FAM184B: variants seen among roughly 807,000 people sequenced by gnomAD.
The protein encoded by FAM184B is family with sequence similarity 184 member B.
FAM184B carries 111 observed loss-of-function variants against 135.9 expected under a neutral mutation model. That is an observed-to-expected ratio of 0.82 (90% CI 0.70 to 0.96). FAM184B has a LOEUF of 0.96. Ranked by LOEUF, FAM184B falls within the 40% of genes least tolerant of loss-of-function variation. The probability of loss-of-function intolerance (pLI) is 0.00; values close to 1 mark genes in which losing one functional copy is unlikely to be tolerated. For synonymous variants in FAM184B, 552 were observed against 524.8 expected (o/e 1.05, Z -0.71); for missense variants, 1,375 against 1,323.9 (o/e 1.04, Z -0.60).
chr4:17,699,519 A>G (rs1319006295), intron 5 of FAM184B, among the ~76,000 whole-genome samples: 3 of 152,160 alleles, frequency 2.0e-5, no homozygotes, highest in African/African-American at 7.2e-5. Flanking sequence ...TTTTCATTAG[A>G]ATAAAATGCA....
rs1716778285 is a variant in FAM184B at position 17,693,297 on chromosome 4, C to T, written c.1488+5G>A. ...CCCCAAGGCTTGCATTTGGTCAGGG[C>T]TCACCTCAAGCAGAGAATTCTGAAG... On this transcript the variant is annotated splice_donor_5th_base_variant and intron_variant, in intron 6 of 17. Transcript: ENST00000265018. 3.9e-6 allele frequency: 6 copies of T among 1,548,322 alleles called. No homozygotes were observed. In the East Asian group the frequency reaches 1.2e-4, roughly 32 times the overall value.
chr4:17,659,648 G>T (rs1179335505), intron 9 of FAM184B, among the ~76,000 whole-genome samples: 1 of 152,050 alleles, frequency 6.6e-6, no homozygotes, highest in Non-Finnish European at 1.5e-5. Context: ...CACATACCCA[G>T]CTAATTTTTG....
Position 17,652,834 on chromosome 4 carries a change from C to T in FAM184B, c.2187G>A (p.Leu729=), listed in dbSNP as rs1421107842. 1.3e-5 allele frequency: 20 copies of T among 1,550,826 alleles called. No homozygotes were observed. Among genetic ancestry groups the T allele is most frequent in the Non-Finnish European group, 1.7e-5 (20 of 1,146,810 alleles). Residue 729 remains leucine (L), a synonymous_variant, in exon 11 of 18, where the codon CTG becomes CTA. Transcript: ENST00000265018. ...RERMQAQQAL[L]LESLRQELSE... ...AGTACACTATTGGGTGTATACCTAG[C>T]AGCAGGGCCTGCTGTGCCTGCATCC... is the stretch of plus-strand genomic sequence containing the variant.
At chr4:17,677,544 C>CA (rs892115524) in intron 7 of FAM184B, among the ~76,000 whole-genome samples, 3 of 151,844 alleles carry the variant, frequency 2.0e-5, no homozygotes, top group South Asian at 2.1e-4. Context: ...AAAAAATTGC[C>CA]AAAAAAAGTC....
At chr4:17,754,841 T>C (rs570045985) in intron 1 of FAM184B, among the ~76,000 whole-genome samples, 1 of 152,048 alleles carries the variant, frequency 6.6e-6, no homozygotes, top group South Asian at 2.1e-4. Flanking sequence ...AAAAAGGAGA[T>C]ACAGATAGGA....
chr4:17,762,019 A>ATTTTGTTTTG (rs112668227), intron 1 of FAM184B, among the ~76,000 whole-genome samples: 3 of 147,284 alleles, frequency 2.0e-5, no homozygotes, highest in African/African-American at 8.1e-5. Flanking sequence ...AGGGCTCTTC[A>ATTTTGTTTTG]TTTTGTTTTG....
intron 1 of FAM184B, among the ~76,000 whole-genome samples, chr4:17,753,111 G>A (rs184233544): frequency 3.3e-5 from 5 of 152,168 alleles, no homozygotes; most frequent in South Asian, 4.1e-4. Flanking sequence ...CTGACATTTC[G>A]TCATCCTCCA....
In FAM184B at chr4:17,660,054, T is replaced by C. The variant is rs1224967832; in HGVS notation, c.1728A>G (p.Pro576=). The change falls in exon 9 of 18, where the codon CCA becomes CCG. Residue 576 remains proline (P), a synonymous_variant. Transcript: ENST00000265018. ...TCAACAAAGAGCCCAGTGGAGGTTG[T>C]GGGTCACTTCCCTCCTTGAGAAGCA... ...TKVLLKEGSD[P]QPPLGSLLKE... is the part of the protein sequence containing the mutation. 6.4e-7 allele frequency: 1 copy of C among 1,551,636 alleles called. No homozygotes were observed. Among genetic ancestry groups the C allele is most frequent in the South Asian group, 1.2e-5 (1 of 84,050 alleles).
rs3222789 is a variant in FAM184B, at chr4:17,751,823, G to GCACACACACACACACACACACACACA, written c.141+29310_141+29335dup. Among the ~76,000 whole-genome samples, 27 of 115,898 alleles carry GCACACACACACACACACACACACACA rather than the reference G, an allele frequency of 2.3e-4. 1 individual carries two copies. The highest frequency in any genetic ancestry group is 3.0e-4 in the Non-Finnish European group (17 of 56,858). The allele number at this position is 115,898 out of a possible 152,430, so 76.0% of individuals were successfully genotyped here. ...GGCTGATTCTGGCCCTAAAAACAAG[G>GCACACACACACACACACACACACACA]CACACACACACACACACACACACAC... On this transcript the variant is annotated intron_variant, in intron 1 of 17. Coordinates refer to ENST00000265018, the MANE Select transcript of FAM184B (RefSeq NM_015688.2).
At position 17,668,263 on chromosome 4, in the gene FAM184B, C is replaced by T. The variant is rs73800331; in HGVS notation, c.1597-3604G>A. Reference sequence around the variant, plus strand: ...ACCAGATAAAGAAGCAACAGTTGAACGTAAAGTGTTTAGCTGTCTCCTTCA... The same window carrying T: ...ACCAGATAAAGAAGCAACAGTTGAATGTAAAGTGTTTAGCTGTCTCCTTCA... On this transcript the variant is annotated intron_variant, in intron 7 of 17. Coordinates refer to ENST00000265018, the MANE Select transcript of FAM184B (RefSeq NM_015688.2). Among the ~76,000 whole-genome samples the T allele has an allele frequency of 2.3e-3, 350 of 152,278 alleles. 1 individual carries two copies. Among genetic ancestry groups the T allele is most frequent in the African/African-American group, 7.6e-3 (315 of 41,564 alleles).
In FAM184B at chr4:17,720,750, G is replaced by A. The variant is rs1210275971; in HGVS notation, c.142-11106C>T. Among the ~76,000 whole-genome samples, 6 of 151,716 alleles carry A rather than the reference G, an allele frequency of 4.0e-5. No individual in the cohort carries two copies. The South Asian group carries it at 1.3e-3, about 32-fold the overall frequency. ...AAAATGCAAAAATTAGCTGGGTGTGGTGGTGCACCCCTGTGTTCCCAGCTG... is the reference window on the plus strand; with the variant it reads ...AAAATGCAAAAATTAGCTGGGTGTGATGGTGCACCCCTGTGTTCCCAGCTG... On this transcript the variant is annotated intron_variant, in intron 1 of 17. Transcript: ENST00000265018.
intron 7 of FAM184B, among the ~76,000 whole-genome samples, chr4:17,675,764 T>C (rs536635513): frequency 6.6e-6 from 1 of 152,336 alleles, no homozygotes; most frequent in Admixed American, 6.5e-5. Context: ...TAGAGATGGC[T>C]TGTTTCCTTA....
intron 1 of FAM184B, 130 bp from the exon 2 acceptor site, chr4:17,709,774 G>C (rs1444063472): frequency 1.2e-6 from 1 of 826,714 alleles, no homozygotes; most frequent in Non-Finnish European, 1.8e-6. Flanking sequence ...GGATTTGCGT[G>C]CAGGGGATTT....
chr4:17,754,466 G>A (rs758989526), intron 1 of FAM184B, among the ~76,000 whole-genome samples: 3 of 151,124 alleles, frequency 2.0e-5, no homozygotes, highest in Non-Finnish European at 2.9e-5. Context: ...CAGGAGAATC[G>A]CTTGAACCCG....
At chr4:17,776,219 TATA>T (rs1180832628) in intron 1 of FAM184B, among the ~76,000 whole-genome samples, 1 of 152,162 alleles carries the variant, frequency 6.6e-6, no homozygotes, top group African/African-American at 2.4e-5. Flanking sequence ...ACAAGTCAAC[TATA>T]ATATCATAGG....
At chr4:17,668,984 G>A (rs1005059468) in intron 7 of FAM184B, among the ~76,000 whole-genome samples, 2 of 152,210 alleles carry the variant, frequency 1.3e-5, no homozygotes, top group Non-Finnish European at 2.9e-5. Context: ...CAAAACATAA[G>A]TGAATGTAAA....
At chr4:17,739,555 G>GTTTTTGTTTTTTTTTTTTT (rs1553841421) in intron 1 of FAM184B, among the ~76,000 whole-genome samples, 14 of 62,510 alleles carry the variant, frequency 2.2e-4, no homozygotes, top group Admixed American at 9.5e-4. Context: ...CATACCAACT[G>GTTTTTGTTTTTTTTTTTTT]TTTTTTTTTT....
At chr4:17,776,148 A>G (rs1368004141) in intron 1 of FAM184B, among the ~76,000 whole-genome samples, 2 of 152,208 alleles carry the variant, frequency 1.3e-5, no homozygotes, top group African/African-American at 4.8e-5. Flanking sequence ...GTGAGTGCCT[A>G]CCAGGTGTAA....
intron 14 of FAM184B, among the ~76,000 whole-genome samples, chr4:17,638,180 T>TTTTTGTTTTG (rs377120925): frequency 6.8e-6 from 1 of 147,188 alleles, no homozygotes; most frequent in Admixed American, 6.9e-5. Flanking sequence ...GGGTCTATTT[T>TTTTTGTTTTG]TTTTGTTTTG....
Sources: allele counts gnomAD v4.1 joint callset (sites outside exome capture counted in the v4.1 genomes callset), GRCh38; gene constraint gnomAD v4.1.1; transcripts MANE v1.5; gene names NCBI Gene and HGNC (gene_info 2026-07-23, HGNC 2026-07-21).